Variants in OSBPL10 observed in about 807,000 individuals in gnomAD.
OSBPL10 encodes the protein oxysterol-binding protein-related protein 10.
OSBPL10 carries 49 observed loss-of-function variants against 81.7 expected under a neutral mutation model. The ratio of observed to expected loss-of-function variants is 0.60; its 90% CI spans 0.48 to 0.76. OSBPL10 has a LOEUF of 0.76. Ranked by LOEUF, OSBPL10 falls within the 30% of genes least tolerant of loss-of-function variation. OSBPL10 has a pLI of 0.00. For missense variants in OSBPL10, 923 were observed against 987.8 expected (o/e 0.93, Z 0.88); for synonymous variants, 419 against 383.6 (o/e 1.09, Z -1.08).
intron 4 of OSBPL10, among the ~76,000 whole-genome samples, chr3:31,813,973 C>A (rs1699772400): frequency 6.6e-6 from 1 of 152,232 alleles, no homozygotes; most frequent in Admixed American, 6.5e-5. Flanking sequence ...TGGGCCTCAT[C>A]CCTGTCCACG....
chr3:31,685,092 C>A (rs532453074), intron 7 of OSBPL10, among the ~76,000 whole-genome samples: 64 of 152,292 alleles, frequency 4.2e-4, no homozygotes, highest in African/African-American at 1.4e-3. Flanking sequence ...CTGAAGGGTA[C>A]TCTGAAACTG....
chr3:31,747,712 C>A (rs968414912), intron 5 of OSBPL10, among the ~76,000 whole-genome samples, 198 bp downstream of exon 5: 5 of 152,084 alleles, frequency 3.3e-5, no homozygotes, highest in Non-Finnish European at 7.4e-5. Flanking sequence ...TTACATTTTT[C>A]ATGAAATGTT....
intron 5 of OSBPL10, among the ~76,000 whole-genome samples, chr3:31,735,372 C>T (rs1187010488): frequency 7.9e-5 from 12 of 152,046 alleles, no homozygotes; most frequent in Admixed American, 2.6e-4. Flanking sequence ...CCCAGGAGGT[C>T]GAGGCTACAG....
chr3:31,820,057 C>A (rs1699941085), intron 4 of OSBPL10, among the ~76,000 whole-genome samples: 1 of 152,052 alleles, frequency 6.6e-6, no homozygotes, highest in Admixed American at 6.6e-5. Context: ...TCTGGTTGAA[C>A]CCTAGCTAGT....
intron 4 of OSBPL10, among the ~76,000 whole-genome samples, chr3:31,780,463 A>T (rs938839735): frequency 6.6e-6 from 1 of 152,214 alleles, no homozygotes; most frequent in Non-Finnish European, 1.5e-5. Flanking sequence ...AGAAATAAAA[A>T]AGATCAGAAT....
chr3:31,996,074 T>G (rs1699087908), intron 2 of OSBPL10, among the ~76,000 whole-genome samples: 1 of 152,162 alleles, frequency 6.6e-6, no homozygotes, highest in Non-Finnish European at 1.5e-5. Context: ...GGGCTGCCAG[T>G]TTCAAGGCAG....
intron 1 of OSBPL10, among the ~76,000 whole-genome samples, chr3:31,968,767 C>A (rs1698475955): frequency 6.6e-6 from 1 of 152,104 alleles, no homozygotes; most frequent in Non-Finnish European, 1.5e-5. Flanking sequence ...ACAGGAAATT[C>A]CAAATTAACT....
At chr3:31,938,834 G>A (rs1697456454) in intron 1 of OSBPL10, among the ~76,000 whole-genome samples, 1 of 152,088 alleles carries the variant, frequency 6.6e-6, no homozygotes, top group African/African-American at 2.4e-5. Context: ...CCAAGCCTCA[G>A]GGTCCACCAT....
At chr3:31,911,426 T>G (rs779891092) in intron 1 of OSBPL10, among the ~76,000 whole-genome samples, 2 of 152,158 alleles carry the variant, frequency 1.3e-5, no homozygotes, top group East Asian at 1.9e-4. Context: ...TTTTGTCCCT[T>G]TCTCAGAAAT....
At chr3:31,809,936 A>C (rs1050571538) in intron 4 of OSBPL10, among the ~76,000 whole-genome samples, 1 of 135,804 alleles carries the variant, frequency 7.4e-6, no homozygotes, top group African/African-American at 3.0e-5. Flanking sequence ...CAATGGAGTG[A>C]TCTCGGTTCA....
intron 4 of OSBPL10, among the ~76,000 whole-genome samples, chr3:31,759,165 T>C (rs6786679): frequency 0.79 from 119,596 of 152,174 alleles, 47,102 homozygotes; most frequent in East Asian, 0.86. Context: ...GGAATAATCT[T>C]TTAAATTGTT....
chr3:31,943,176 T>C (rs754466138), intron 1 of OSBPL10, among the ~76,000 whole-genome samples: 1 of 152,256 alleles, frequency 6.6e-6, no homozygotes, highest in Non-Finnish European at 1.5e-5. Flanking sequence ...TGTTGCCACA[T>C]GTATCAGAGC....
At chr3:31,775,826 G>A (rs1473496517) in intron 4 of OSBPL10, among the ~76,000 whole-genome samples, 1 of 152,170 alleles carries the variant, frequency 6.6e-6, no homozygotes. Context: ...GAGAGAGAAT[G>A]CTGCCACCAT....
intron 7 of OSBPL10, among the ~76,000 whole-genome samples, chr3:31,702,099 G>T (rs547280224): frequency 6.6e-6 from 1 of 152,152 alleles, no homozygotes; most frequent in African/African-American, 2.4e-5. Flanking sequence ...TTTTTCTGAT[G>T]TTCTCCCTGC....
At chr3:31,681,138 C>A (rs115250099) in intron 8 of OSBPL10, among the ~76,000 whole-genome samples, 307 of 152,270 alleles carry the variant, frequency 2.0e-3, no homozygotes, top group African/African-American at 7.2e-3. Context: ...TAGCTTCCTA[C>A]ACAAATTAAT....
At chr3:31,928,009 A>T (rs927130673) in intron 1 of OSBPL10, among the ~76,000 whole-genome samples, 2 of 152,218 alleles carry the variant, frequency 1.3e-5, no homozygotes, top group African/African-American at 4.8e-5. Flanking sequence ...GGAGAGAATG[A>T]GGAACAAGAA....
chr3:31,891,483 T>C (rs1186338737), intron 1 of OSBPL10, among the ~76,000 whole-genome samples: 1 of 152,210 alleles, frequency 6.6e-6, no homozygotes, highest in Non-Finnish European at 1.5e-5. Context: ...AGCTGGCTAA[T>C]TCGCTCTTGC....
chr3:31,865,379 G>A (rs544726606), intron 3 of OSBPL10, among the ~76,000 whole-genome samples: 5 of 152,220 alleles, frequency 3.3e-5, no homozygotes, highest in African/African-American at 1.2e-4. Flanking sequence ...AGTCTCATGT[G>A]GCTAGAGGTC....
rs575623212 is a variant in OSBPL10, at chr3:31,957,961, A to T, written c.281+22938T>A. 2.0e-5 allele frequency among the ~76,000 whole-genome samples: 3 copies of T among 152,204 alleles called. No individual in the cohort carries two copies. The East Asian group carries it at 5.8e-4, about 29-fold the overall frequency. On this transcript the variant is annotated intron_variant, in intron 1 of 11. Transcript: ENST00000396556. ...GCCAGATTCCTGTTTTTAAAAATGC[A>T]TCTTTAAAGTCACATTGTATAGAGT...
Sources: gnomAD v4.1 joint callset for allele counts (sites outside exome capture counted in the v4.1 genomes callset) on GRCh38, gnomAD v4.1.1 for gene constraint, MANE v1.5 for transcripts, NCBI Gene and HGNC (gene_info 2026-07-23, HGNC 2026-07-21) for gene names.